The following TLN2 variants were observed in gnomAD, a reference collection of about 807,000 sequenced individuals.
The protein encoded by TLN2 is talin-2.
In TLN2, 118 loss-of-function variants were observed where a neutral mutation model predicts 294.7. The observed-to-expected ratio is 0.40, with a 90% CI of 0.34 to 0.47. TLN2 has a LOEUF of 0.47. Among genes scored for constraint, TLN2 ranks in the 20% least tolerant of loss-of-function variants. The pLI, the probability that TLN2 is intolerant of heterozygous loss-of-function variation, is 0.84. For missense variants in TLN2, 3,083 were observed against 3,282.2 expected (o/e 0.94, Z 1.48); for synonymous variants, 1,431 against 1,304.5 (o/e 1.10, Z -2.09).
intron 10 of TLN2, 46 bp from the exon 11 acceptor site, chr15:62,675,171 C>A: frequency 1.3e-6 from 2 of 1,577,698 alleles, no homozygotes; most frequent in African/African-American, 1.3e-5. Context: ...AGTCCACCTG[C>A]TGGCAGAGAT....
Position 62,762,364 on chromosome 15 carries a change from C to T in TLN2, c.4872C>T (p.Ile1624=). 2 of 1,614,234 alleles carry T rather than the reference C, an allele frequency of 1.2e-6. No individual in the cohort carries two copies. The highest frequency in any genetic ancestry group is 1.7e-6 in the Non-Finnish European group (2 of 1,180,048). ...TTCGCACTGCACGCTCTCTGGCCAT[C>T]AACCCCAAAGACCCACCCACCTGGT... is the stretch of plus-strand genomic sequence containing the variant. The part of the protein sequence containing the change: ...YLIRTARSLA[I]NPKDPPTWSV... Residue 1624 remains isoleucine (I), a synonymous_variant, in exon 39 of 59, where the codon ATC becomes ATT. Coordinates refer to ENST00000636159, the MANE Select transcript of TLN2 (RefSeq NM_015059.3).
At chr15:62,747,670 A>G (rs994128670) in intron 32 of TLN2, among the ~76,000 whole-genome samples, 3 of 152,280 alleles carry the variant, frequency 2.0e-5, no homozygotes, top group East Asian at 3.9e-4. Flanking sequence ...CCCTTGACCA[A>G]TGCAAAGGTT....
chr15:62,730,483 A>G (rs1181977099), intron 28 of TLN2, among the ~76,000 whole-genome samples: 1 of 152,152 alleles, frequency 6.6e-6, no homozygotes, highest in East Asian at 1.9e-4. Context: ...AGCTTTCATT[A>G]GGGATCATTT....
Position 62,419,904 on chromosome 15 carries a change from C to T in TLN2, c.-238+29219C>T, listed in dbSNP as rs550508740. Among the ~76,000 whole-genome samples the T allele has an allele frequency of 1.1e-4, 16 of 152,284 alleles. No individual in the cohort carries two copies. In the Middle Eastern group the frequency reaches 0.01, roughly 97 times the overall value. ...CCTCCCAAGGTGCTGGGATTACAGGCGTGAGCCACAGTGCCCCTCCTGAAC... is the reference window on the plus strand; with the variant it reads ...CCTCCCAAGGTGCTGGGATTACAGGTGTGAGCCACAGTGCCCCTCCTGAAC... On this transcript the variant is annotated intron_variant, in intron 1 of 58. Transcript: ENST00000636159.
At position 62,819,576 on chromosome 15, in the gene TLN2, G is replaced by A. The variant is rs778486418; in HGVS notation, c.6832G>A (p.Ala2278Thr). Residue 2278 changes from alanine to threonine, a missense_variant, in exon 53 of 59, where the codon GCC (alanine) becomes ACC (threonine). Physicochemically the swap from Ala to Thr is moderately conservative, Grantham distance 58 (BLOSUM62 0). Transcript: ENST00000636159. The stretch of plus-strand genomic sequence containing the variant: ...GCTGGCCGCTTTCTCCAAGCGAGTC[G>A]CCGGCGCTGTGACAGAGCTCATCCA... Reference protein sequence around the residue: ...QQLAAFSKRVAGAVTELIQAA... With the variant: ...QQLAAFSKRVTGAVTELIQAA... The A allele has an allele frequency of 1.7e-5, 28 of 1,613,164 alleles. No individual in the cohort carries two copies. The highest frequency in any genetic ancestry group is 1.2e-4 in the South Asian group (11 of 91,064).
chr15:62,755,892 A>G (rs1409931922), intron 37 of TLN2, among the ~76,000 whole-genome samples, 199 bp downstream of exon 37: 1 of 152,216 alleles, frequency 6.6e-6, no homozygotes, highest in Non-Finnish European at 1.5e-5. Context: ...CTTGGGCTCT[A>G]CTAACCTTTT....
At chr15:62,576,920 G>A (rs541396208) in intron 1 of TLN2, among the ~76,000 whole-genome samples, 1 of 152,140 alleles carries the variant, frequency 6.6e-6, no homozygotes, top group South Asian at 2.1e-4. Context: ...CTTATGTCCT[G>A]GTTTTAGCCC....
intron 1 of TLN2, among the ~76,000 whole-genome samples, chr15:62,537,212 G>C (rs150491227): frequency 6.6e-6 from 1 of 152,032 alleles, no homozygotes; most frequent in African/African-American, 2.4e-5. Flanking sequence ...TACAGATGGG[G>C]TTTCGCCGTG....
intron 24 of TLN2, among the ~76,000 whole-genome samples, chr15:62,718,745 G>T (rs2140909629): frequency 6.6e-6 from 1 of 152,320 alleles, no homozygotes; most frequent in East Asian, 1.9e-4. Context: ...GCTAGCAGGG[G>T]TGAAAACTTT....
intron 1 of TLN2, among the ~76,000 whole-genome samples, chr15:62,479,423 C>G (rs538659802): frequency 6.6e-6 from 1 of 152,296 alleles, no homozygotes; most frequent in East Asian, 1.9e-4. Flanking sequence ...TTGCGTCTGG[C>G]TGATCCCCTC....
At chr15:62,557,205 G>A (rs1395890923) in intron 1 of TLN2, among the ~76,000 whole-genome samples, 4 of 152,190 alleles carry the variant, frequency 2.6e-5, no homozygotes, top group Non-Finnish European at 5.9e-5. Context: ...CAGTGACCCA[G>A]GCTGGGGTGG....
chr15:62,475,349 C>T (rs2140370495), intron 1 of TLN2, among the ~76,000 whole-genome samples: 1 of 152,284 alleles, frequency 6.6e-6, no homozygotes, highest in South Asian at 2.1e-4. Context: ...TTTTATCACG[C>T]TCCTCGTTTT....
chr15:62,753,548 C>T (rs943986095), intron 35 of TLN2, among the ~76,000 whole-genome samples: 6 of 152,208 alleles, frequency 3.9e-5, no homozygotes, highest in African/African-American at 1.4e-4. Flanking sequence ...AGAACAAGGA[C>T]ACTTTGTTCC....
intron 1 of TLN2, among the ~76,000 whole-genome samples, chr15:62,509,924 T>C (rs1377636151): frequency 6.6e-6 from 1 of 152,162 alleles, no homozygotes; most frequent in Non-Finnish European, 1.5e-5. Context: ...AAAAGAAATA[T>C]TTAGTTTGGG....
Position 62,673,831 on chromosome 15 carries a change from A to G in TLN2, c.793A>G (p.Lys265Glu). The G allele has an allele frequency of 6.2e-7, 1 of 1,612,884 alleles. No individual in the cohort carries two copies. Among genetic ancestry groups the G allele is most frequent in the Non-Finnish European group, 8.5e-7 (1 of 1,179,252 alleles). The change falls in exon 10 of 59, where the codon AAG becomes GAG. Residue 265 changes from lysine to glutamate, a missense_variant. Transcript: ENST00000636159. The stretch of plus-strand genomic sequence containing the variant: ...TTTTAAATGTCTCTCTCTTAGTCTG[A>G]AGGAATTCCTGCCCAAAGAATATAT... ...HKHKPGFLDL[K>E]EFLPKEYIKQ... is the part of the protein sequence containing the mutation.
intron 28 of TLN2, among the ~76,000 whole-genome samples, chr15:62,734,338 A>T (rs1403816489): frequency 6.6e-6 from 1 of 152,224 alleles, no homozygotes; most frequent in Non-Finnish European, 1.5e-5. Context: ...AGAGGTCTAG[A>T]AATCACAGCC....
At chr15:62,782,742 C>G (rs772407754) in intron 44 of TLN2, among the ~76,000 whole-genome samples, 1 of 152,236 alleles carries the variant, frequency 6.6e-6, no homozygotes, top group African/African-American at 2.4e-5. Context: ...TGGGACGTGT[C>G]CTTGTACACA....
intron 28 of TLN2, among the ~76,000 whole-genome samples, chr15:62,727,581 G>A (rs1284156452): frequency 6.6e-6 from 1 of 152,224 alleles, no homozygotes; most frequent in African/African-American, 2.4e-5. Context: ...AATAGGTAGA[G>A]GCGAGTGAAC....
In TLN2 at chr15:62,810,080, G is replaced by C. The variant is rs368605874; in HGVS notation, c.6771+48G>C. On this transcript the variant is annotated intron_variant, in intron 52 of 58. Transcript: ENST00000636159. ...GCTGGGGAGTAGCTGTGTCCCTCTA[G>C]CTGTCCTGGCTGATTCAAACTATGC... 292 of 1,459,956 alleles carry C rather than the reference G, an allele frequency of 2.0e-4. No individual in the cohort carries two copies. The African/African-American group carries it at 3.3e-3, about 17-fold the overall frequency. 90.4% of individuals were successfully genotyped at this position (1,459,956 alleles called of 1,614,324 possible).
Sources: gnomAD v4.1 joint callset for allele counts (sites outside exome capture counted in the v4.1 genomes callset) on GRCh38, gnomAD v4.1.1 for gene constraint, MANE v1.5 for transcripts, NCBI Gene and HGNC (gene_info 2026-07-23, HGNC 2026-07-21) for gene names.